The following SYNE1 variants were observed in gnomAD, a reference collection of about 807,000 sequenced individuals.
The protein encoded by SYNE1 is spectrin repeat containing nuclear envelope protein 1.
In SYNE1, 616 loss-of-function variants were observed where a neutral mutation model predicts 1,111.0. The ratio of observed to expected loss-of-function variants is 0.55; its 90% CI spans 0.52 to 0.59. SYNE1 has a LOEUF of 0.59. SYNE1 is among the 20% of genes least tolerant of loss of function. The pLI, the probability that SYNE1 is intolerant of heterozygous loss-of-function variation, is 0.00. For synonymous variants in SYNE1, 3,855 were observed against 3,825.8 expected (o/e 1.01, Z -0.28); for missense variants, 10,006 against 10,417.0 (o/e 0.96, Z 1.72).
At chr6:152,546,985 T>G (rs1429258419) in intron 3 of SYNE1, 1 of 151,928 alleles carries the variant, frequency 6.6e-6, no homozygotes, top group Non-Finnish European at 1.5e-5. Context: ...AGAAAAAAAG[T>G]CACTTGGAGG....
intron 11 of SYNE1, among the ~76,000 whole-genome samples, chr6:152,497,205 A>G (rs1375244335): frequency 1.3e-5 from 2 of 152,180 alleles, no homozygotes; most frequent in Non-Finnish European, 2.9e-5. Context: ...ATCATCTAAC[A>G]CAGTGTCTGG....
intron 81 of SYNE1, among the ~76,000 whole-genome samples, chr6:152,324,787 G>A (rs571101122): frequency 2.0e-5 from 3 of 152,212 alleles, no homozygotes; most frequent in Non-Finnish European, 2.9e-5. Flanking sequence ...GGCGACAGAG[G>A]GAGACTCCGT....
intron 3 of SYNE1, among the ~76,000 whole-genome samples, chr6:152,622,784 T>C (rs1485015120): frequency 6.6e-6 from 1 of 152,172 alleles, no homozygotes; most frequent in Non-Finnish European, 1.5e-5. Flanking sequence ...ATATACCCAG[T>C]AATGGGATTG....
In SYNE1 at chr6:152,430,174, C is replaced by T; in HGVS notation, c.4726G>A (p.Ala1576Thr). The change falls in exon 36 of 146, where the codon GCT (alanine) becomes ACT (threonine). Residue 1576 changes from alanine to threonine, a missense_variant. Around this residue, in one of 7 missense-constraint regions of SYNE1, gnomAD observed 1,971 missense variants for 2,084.1 expected, o/e 0.95. Transcript: ENST00000367255. Reference protein sequence around the residue: ...QSVSEFEDKLAVPIKICSSAT... With the variant: ...QSVSEFEDKLTVPIKICSSAT... ...GAAGAACATATTTTAATTGGAACAG[C>T]AAGTTTATCTTCAAATTCAGACACA... The T allele has an allele frequency of 6.2e-7, 1 of 1,605,056 alleles. No homozygotes were observed. The highest frequency in any genetic ancestry group is 8.5e-7 in the Non-Finnish European group (1 of 1,174,204).
chr6:152,159,513 CT>C (rs1205452331), intron 131 of SYNE1, among the ~76,000 whole-genome samples: 1 of 152,206 alleles, frequency 6.6e-6, no homozygotes, highest in Non-Finnish European at 1.5e-5. Context: ...CTAGCAGGTT[CT>C]GAAGAAAGCA....
intron 97 of SYNE1, among the ~76,000 whole-genome samples, chr6:152,278,774 T>C (rs2093817474): frequency 6.6e-6 from 1 of 151,926 alleles, no homozygotes; most frequent in Admixed American, 6.6e-5. Flanking sequence ...TTTTTTGTTT[T>C]TGTTTTTTTT....
chr6:152,336,819 T>C (rs1305798243), intron 76 of SYNE1, 22 bp downstream of exon 76: 1 of 1,610,648 alleles, frequency 6.2e-7, no homozygotes, highest in Admixed American at 1.7e-5. Context: ...TTTATCTCCC[T>C]TGGGGGCAAA....
At chr6:152,276,881 T>A (rs2093660267) in intron 98 of SYNE1, among the ~76,000 whole-genome samples, 2 of 141,196 alleles carry the variant, frequency 1.4e-5, no homozygotes, top group African/African-American at 5.3e-5. Context: ...CTGCACTCTT[T>A]TTTTTTTTTT....
chr6:152,179,559 C>T, intron 129 of SYNE1: 1 of 150,918 alleles, frequency 6.6e-6, no homozygotes, highest in Non-Finnish European at 1.5e-5. Flanking sequence ...AATTAAGACC[C>T]CCAAATACTG....
chr6:152,406,197 T>C (rs2097897496), intron 45 of SYNE1, among the ~76,000 whole-genome samples: 1 of 152,142 alleles, frequency 6.6e-6, no homozygotes, highest in South Asian at 2.1e-4. Flanking sequence ...TCAGGGACTC[T>C]TTGTGGAAGC....
Position 152,308,574 on chromosome 6 carries a change from ATCAGTTGCTGGAGATGTT to A in SYNE1, c.17243_17260del (p.Lys5748_Leu5753del), listed in dbSNP as rs2095450228. On this transcript the variant is annotated inframe_deletion, in exon 91 of 146. Coordinates refer to ENST00000367255, the MANE Select transcript of SYNE1 (RefSeq NM_182961.4). ...CTCAATCTCTCTGTGAGCTCCTTCT[ATCAGTTGCTGGAGATGTT>A]TCATTTCTTGCTCATATTGTTCATA... 1 of 1,613,608 alleles carries A rather than the reference ATCAGTTGCTGGAGATGTT, an allele frequency of 6.2e-7. No individual in the cohort carries two copies.
chr6:152,522,787 T>G (rs987090316), intron 5 of SYNE1, among the ~76,000 whole-genome samples: 3 of 152,190 alleles, frequency 2.0e-5, no homozygotes, highest in African/African-American at 7.2e-5. Context: ...GGTTTTAATT[T>G]GCATTTCCCT....
In SYNE1 at chr6:152,330,149, G is replaced by A. The variant is rs757647899; in HGVS notation, c.14536C>T (p.Leu4846Phe). The A allele has an allele frequency of 6.2e-7, 1 of 1,614,222 alleles. No homozygotes were observed. Among genetic ancestry groups the A allele is most frequent in the Non-Finnish European group, 8.5e-7 (1 of 1,180,042 alleles). ...GCTTTCTCATAAGCCAAGGGGTCAA[G>A]GTGTGGGGCAAGATCTTCAAGATGT... The part of the protein sequence containing the change: ...TIHLEDLAPH[L>F]DPLAYEKARH... The change falls in exon 78 of 146, where the codon CTT (leucine) becomes TTT (phenylalanine). Residue 4846 changes from leucine to phenylalanine, a missense_variant. Leu to Phe is a conservative substitution (Grantham distance 22). Coordinates refer to ENST00000367255, the MANE Select transcript of SYNE1 (RefSeq NM_182961.4).
chr6:152,155,257 C>G (rs2152945960), intron 132 of SYNE1: 1 of 545,480 alleles, frequency 1.8e-6, no homozygotes, highest in East Asian at 3.2e-5. Context: ...AAAACACGTC[C>G]TGCAACTCTG....
intron 104 of SYNE1, among the ~76,000 whole-genome samples, chr6:152,250,984 C>CT (rs1163663283): frequency 6.6e-6 from 1 of 152,168 alleles, no homozygotes; most frequent in Non-Finnish European, 1.5e-5. Flanking sequence ...GAGTCTTGCT[C>CT]TGTCACCCAG....
intron 3 of SYNE1, among the ~76,000 whole-genome samples, chr6:152,582,978 A>G (rs1189916901): frequency 3.9e-5 from 6 of 152,198 alleles, no homozygotes; most frequent in Non-Finnish European, 5.9e-5. Context: ...TGCTATGAAT[A>G]CAGACAAAAT....
At chr6:152,135,349 AC>A in intron 141 of SYNE1, 117 bp from the exon 142 acceptor site, 1 of 1,134,382 alleles carries the variant, frequency 8.8e-7, no homozygotes, top group South Asian at 1.4e-5. Context: ...CATACATGCA[AC>A]TCCTTTCTGA....
At chr6:152,608,946 TAAAAAAA>T (rs869105804) in intron 3 of SYNE1, among the ~76,000 whole-genome samples, 7 of 69,710 alleles carry the variant, frequency 1.0e-4, no homozygotes, top group East Asian at 1.2e-3. Context: ...AATAAAAAAA[TAAAAAAA>T]AATCAGAGTT....
chr6:152,242,312 C>T lies in SYNE1; in HGVS notation c.19821G>A (p.Glu6607=). The T allele has an allele frequency of 1.2e-6, 2 of 1,614,122 alleles. No homozygotes were observed. Among genetic ancestry groups the T allele is most frequent in the South Asian group, 1.1e-5 (1 of 91,086 alleles). Residue 6607 remains glutamate (E), a synonymous_variant, in exon 107 of 146, where the codon GAG becomes GAA. Coordinates refer to ENST00000367255, the MANE Select transcript of SYNE1 (RefSeq NM_182961.4). ...TGATTTTCTGGTCTCCTGCCATCTT[C>T]TCCTGACCAGTTTCTAGCAGGTCAG... ...DLADLLETGQ[E]KMAGDQKIIV...
Sources: allele counts gnomAD v4.1 joint callset (sites outside exome capture counted in the v4.1 genomes callset), GRCh38; gene constraint gnomAD v4.1.1; regional missense constraint gnomAD v4.1.1; transcripts MANE v1.5; gene names NCBI Gene and HGNC (gene_info 2026-07-23, HGNC 2026-07-21).